The following KDM1B variants were observed in gnomAD, a reference collection of about 807,000 sequenced individuals.
KDM1B encodes the protein lysine demethylase 1B.
KDM1B carries 63 observed loss-of-function variants against 107.4 expected under a neutral mutation model. The ratio of observed to expected loss-of-function variants is 0.59; its 90% CI spans 0.48 to 0.72. The LOEUF (loss-of-function observed/expected upper bound fraction) is 0.72. Among genes scored for constraint, KDM1B ranks in the 30% least tolerant of loss-of-function variants. The pLI, the probability that KDM1B is intolerant of heterozygous loss-of-function variation, is 0.00. For missense variants in KDM1B, 749 were observed against 1,020.8 expected (o/e 0.73, Z 3.63); for synonymous variants, 363 against 363.9 (o/e 1.00, Z 0.03).
At chr6:18,158,015 G>C (rs1001195810) in intron 2 of KDM1B, among the ~76,000 whole-genome samples, 1 of 151,778 alleles carries the variant, frequency 6.6e-6, no homozygotes, top group Non-Finnish European at 1.5e-5. Context: ...GGGTTTCACC[G>C]TGTTAGCCAG....
In KDM1B at chr6:18,205,841, A is replaced by C. The variant is rs765159109; in HGVS notation, c.1659+177A>C. 6.6e-6 allele frequency among the ~76,000 whole-genome samples: 1 copy of C among 152,106 alleles called. No homozygotes were observed. The stretch of plus-strand genomic sequence containing the variant: ...ACCCTGTCTCTACTAAAATACAAAA[A>C]ATTAGCCAGGCCTGGTGGCGCATAC... On this transcript the variant is annotated intron_variant, in intron 15 of 21. Transcript: ENST00000650836. This position sits in a 1 kb window ranked among gnomAD's most constrained non-coding sequence, Gnocchi z 5.7.
intron 6 of KDM1B, among the ~76,000 whole-genome samples, chr6:18,167,203 A>G (rs1244653246): frequency 1.3e-5 from 2 of 151,778 alleles, no homozygotes. Context: ...AAAAAAATAC[A>G]AAAATTAGCC....
chr6:18,208,502 T>A (rs1788543494), intron 17 of KDM1B, among the ~76,000 whole-genome samples: 1 of 149,498 alleles, frequency 6.7e-6, no homozygotes, highest in Admixed American at 6.7e-5. Flanking sequence ...CTTGGCCAAA[T>A]AAGTTAGGCA....
chr6:18,215,092 A>G lies in KDM1B; in HGVS notation c.2195A>G (p.Gln732Arg), dbSNP rs1428424210. 2 of 1,613,788 alleles carry G rather than the reference A, an allele frequency of 1.2e-6. No homozygotes were observed. The highest frequency in any genetic ancestry group is 1.7e-6 in the Non-Finnish European group (2 of 1,179,960). The change falls in exon 20 of 22, where the codon CAG (glutamine) becomes CGG (arginine). Residue 732 changes from glutamine (Q) to arginine (R), a missense_variant. Physicochemically the swap from Gln to Arg is conservative, Grantham distance 43 (BLOSUM62 1). Transcript: ENST00000650836. ...RTLDDKQVLQ[Q>R]CMATLRELFK... ...CTGGATGACAAACAGGTGCTGCAGC[A>G]GTGCATGGCCACGCTCCGGGAGCTG...
chr6:18,201,509 T>G lies in KDM1B; in HGVS notation c.1383T>G (p.Phe461Leu). The G allele has an allele frequency of 1.3e-6, 2 of 1,549,030 alleles. No homozygotes were observed. Among genetic ancestry groups the G allele is most frequent in the Non-Finnish European group, 1.7e-6 (2 of 1,146,628 alleles). Reference sequence around the variant, plus strand: ...AGCTTGGCATCAGCATGCATAAATTTGGAGAAAGATGTGACTTAATTCAGG... The same window carrying G: ...AGCTTGGCATCAGCATGCATAAATTGGGAGAAAGATGTGACTTAATTCAGG... ...CEQLGISMHK[F>L]GERCDLIQEG... is the part of the protein sequence containing the mutation. Residue 461 changes from phenylalanine to leucine, a missense_variant, in exon 14 of 22, where the codon TTT becomes TTG. Phe to Leu is a conservative substitution (Grantham distance 22). Coordinates refer to ENST00000650836, the MANE Select transcript of KDM1B (RefSeq NM_001364614.2). This position sits in a 1 kb window ranked among gnomAD's most constrained non-coding sequence, Gnocchi z 4.3.
chr6:18,182,399 G>A (rs1786538574), intron 7 of KDM1B, among the ~76,000 whole-genome samples: 1 of 151,966 alleles, frequency 6.6e-6, no homozygotes, highest in African/African-American at 2.4e-5. Flanking sequence ...AGTCAGTGAA[G>A]GTTTATTTGT....
In KDM1B at chr6:18,186,950, G is replaced by A. The variant is rs1786897788; in HGVS notation, c.574-842G>A. 7.2e-6 allele frequency among the ~76,000 whole-genome samples: 1 copy of A among 139,450 alleles called. No homozygotes were observed. Among genetic ancestry groups the A allele is most frequent in the South Asian group, 2.4e-4 (1 of 4,250 alleles). 91.5% of individuals were successfully genotyped at this position (139,450 alleles called of 152,430 possible). ...GTGGGGACCCAGCCAAACCATATCA[G>A]TATGTATATATGTGTGTGTGTGTAC... On this transcript the variant is annotated intron_variant, in intron 8 of 21. Transcript: ENST00000650836. The surrounding 1 kb of genome is among the most constrained non-coding windows in gnomAD (Gnocchi z 5.6).
In KDM1B at chr6:18,217,865, A is replaced by G. The variant is rs1789368732; in HGVS notation, c.2365A>G (p.Thr789Ala). Residue 789 changes from threonine to alanine, a missense_variant, in exon 21 of 22, where the codon ACC becomes GCC. Thr to Ala is a moderately conservative substitution (Grantham distance 58). Transcript: ENST00000650836. ...YDIIAEDIQG[T>A]VFFAGEATNR... ...TATCATTGCTGAAGACATTCAAGGA[A>G]CCGTCTTTTTCGCTGGTGAGGTATG... 2 of 1,612,196 alleles carry G rather than the reference A, an allele frequency of 1.2e-6. No homozygotes were observed. The highest frequency in any genetic ancestry group is 2.2e-5 in the South Asian group (2 of 90,898).
chr6:18,198,871 A>T (rs1787842195), intron 12 of KDM1B, among the ~76,000 whole-genome samples: 1 of 151,438 alleles, frequency 6.6e-6, no homozygotes, highest in African/African-American at 2.4e-5. Context: ...TATACTAAAA[A>T]AAAAACTAGA....
Position 18,172,604 on chromosome 6 carries a change from G to T in KDM1B, c.534+1125G>T, listed in dbSNP as rs1785730276. 6.6e-6 allele frequency among the ~76,000 whole-genome samples: 1 copy of T among 151,962 alleles called. No homozygotes were observed. Among genetic ancestry groups the T allele is most frequent in the Non-Finnish European group, 1.5e-5 (1 of 68,000 alleles). On this transcript the variant is annotated intron_variant, in intron 7 of 21. Transcript: ENST00000650836. This position sits in a 1 kb window ranked among gnomAD's most constrained non-coding sequence, Gnocchi z 5.2. ...ACATTCCAAAATCCAAAACACTTCT[G>T]GTCCCAAGCATTTCAAATAAGAGAA...
chr6:18,158,555 G>T (rs1784778931), intron 2 of KDM1B, among the ~76,000 whole-genome samples: 2 of 152,010 alleles, frequency 1.3e-5, no homozygotes, highest in Admixed American at 6.6e-5. Flanking sequence ...TGTATTTTAT[G>T]GTTCCACTTT....
chr6:18,221,395 G>A (rs1371825741), intron 21 of KDM1B, among the ~76,000 whole-genome samples: 1 of 152,090 alleles, frequency 6.6e-6, no homozygotes, highest in Non-Finnish European at 1.5e-5. Flanking sequence ...CTTGAGTGAG[G>A]TTCTCCTATT....
chr6:18,186,973 T>C lies in KDM1B; in HGVS notation c.574-819T>C, dbSNP rs867953399. Among the ~76,000 whole-genome samples the C allele has an allele frequency of 2.7e-5, 4 of 147,438 alleles. No homozygotes were observed. The highest frequency in any genetic ancestry group is 2.7e-4 in the Admixed American group (4 of 14,756). On this transcript the variant is annotated intron_variant, in intron 8 of 21. Coordinates refer to ENST00000650836, the MANE Select transcript of KDM1B (RefSeq NM_001364614.2). This position sits in a 1 kb window ranked among gnomAD's most constrained non-coding sequence, Gnocchi z 5.6. The stretch of plus-strand genomic sequence containing the variant: ...CAGTATGTATATATGTGTGTGTGTG[T>C]ACACACACACACACACACACACACA...
chr6:18,204,266 C>T lies in KDM1B; in HGVS notation c.1532-1271C>T, dbSNP rs544211214. Among the ~76,000 whole-genome samples the T allele has an allele frequency of 6.6e-6, 1 of 152,208 alleles. No homozygotes were observed. The highest frequency in any genetic ancestry group is 6.5e-5 in the Admixed American group (1 of 15,284). ...TCGGGAGGCTGAGGTGGGTAGATTT[C>T]TTGAGCTCAGGAGTTTGAGACCAGC... On this transcript the variant is annotated intron_variant, in intron 14 of 21. Transcript: ENST00000650836. This position sits in a 1 kb window ranked among gnomAD's most constrained non-coding sequence, Gnocchi z 4.9.
intron 5 of KDM1B, 82 bp from the exon 6 acceptor site, chr6:18,166,185 A>T: frequency 1.5e-6 from 1 of 668,508 alleles, no homozygotes; most frequent in Non-Finnish European, 2.7e-6. Flanking sequence ...AAGATTTACT[A>T]ACCTGCCTCC....
Position 18,197,322 on chromosome 6 carries a change from T to G in KDM1B, c.1146+89T>G. 8.2e-7 allele frequency: 1 copy of G among 1,214,772 alleles called. No homozygotes were observed. The highest frequency in any genetic ancestry group is 1.1e-6 in the Non-Finnish European group (1 of 870,252). The allele number at this position is 1,214,772 out of a possible 1,614,324, so 75.2% of individuals were successfully genotyped here. On this transcript the variant is annotated intron_variant, in intron 11 of 21. Transcript: ENST00000650836. This position sits in a 1 kb window ranked among gnomAD's most constrained non-coding sequence, Gnocchi z 4.5. ...GTTAATAAATATAGTAAAAGCCACA[T>G]TATCACCATAAAACTTAACAGAAGC... is the stretch of plus-strand genomic sequence containing the variant.
intron 7 of KDM1B, among the ~76,000 whole-genome samples, chr6:18,176,243 T>G (rs904868817): frequency 2.0e-5 from 3 of 152,206 alleles, no homozygotes; most frequent in African/African-American, 7.2e-5. Context: ...GTTCTTGATT[T>G]GACTCTCTGC....
rs1333615303 is a variant in KDM1B at position 18,200,214 on chromosome 6, C to A, written c.1222-225C>A. 6.6e-6 allele frequency among the ~76,000 whole-genome samples: 1 copy of A among 152,208 alleles called. No homozygotes were observed. Among genetic ancestry groups the A allele is most frequent in the East Asian group, 1.9e-4 (1 of 5,192 alleles). On this transcript the variant is annotated intron_variant, in intron 12 of 21. Coordinates refer to ENST00000650836, the MANE Select transcript of KDM1B (RefSeq NM_001364614.2). This position sits in a 1 kb window ranked among gnomAD's most constrained non-coding sequence, Gnocchi z 4.3. ...TAGTATCTGGTTTGAGTGATTCTTT[C>A]AACAGACCACTCAGTTTTTCCTCGC...
chr6:18,177,062 T>C (rs1259940473), intron 7 of KDM1B, among the ~76,000 whole-genome samples: 1 of 152,210 alleles, frequency 6.6e-6, no homozygotes, highest in Non-Finnish European at 1.5e-5. Flanking sequence ...TCTTCAAATG[T>C]CTGGTAGAAT....
Sources: allele counts gnomAD v4.1 joint callset (sites outside exome capture counted in the v4.1 genomes callset), GRCh38; gene constraint gnomAD v4.1.1; non-coding constraint Gnocchi (gnomAD v3.1); transcripts MANE v1.5; gene names NCBI Gene and HGNC (gene_info 2026-07-23, HGNC 2026-07-21).